DLGAP4: variants seen among roughly 807,000 people sequenced by gnomAD.
The protein encoded by DLGAP4 is disks large-associated protein 4.
Under a neutral mutation model 86.9 loss-of-function variants are expected in DLGAP4, and 18 were observed. The ratio of observed to expected loss-of-function variants is 0.21; its 90% confidence interval spans 0.14 to 0.31. The LOEUF is 0.31. Ranked by LOEUF, DLGAP4 falls within the 10% of genes least tolerant of loss-of-function variation. The probability of loss-of-function intolerance (pLI) is 1.00; values close to 1 mark genes in which losing one functional copy is unlikely to be tolerated. For missense variants in DLGAP4, 1,085 were observed against 1,362.6 expected (o/e 0.80, Z 3.21); for synonymous variants, 548 against 574.3 (o/e 0.95, Z 0.65).
chr20:36,467,077 C>T (rs1405291700), intron 7 of DLGAP4, among the ~76,000 whole-genome samples: 1 of 143,452 alleles, frequency 7.0e-6, no homozygotes, highest in Non-Finnish European at 1.5e-5. Context: ...CCCCCCTTCT[C>T]TCGGCCCTGC....
intron 5 of DLGAP4, among the ~76,000 whole-genome samples, chr20:36,440,835 C>T (rs1020571941): frequency 1.5e-4 from 23 of 151,932 alleles, no homozygotes; most frequent in Admixed American, 1.0e-3. Flanking sequence ...CGGCCAGGTG[C>T]GGGTCCAGCC....
intron 10 of DLGAP4, among the ~76,000 whole-genome samples, chr20:36,512,224 G>C (rs1186139393): frequency 6.6e-6 from 1 of 151,512 alleles, no homozygotes; most frequent in Non-Finnish European, 1.5e-5. Context: ...CTAATTTTTT[G>C]TAATTTTAAT....
chr20:36,519,418 TTTTC>T (rs1308575653), intron 10 of DLGAP4, among the ~76,000 whole-genome samples: 40 of 152,172 alleles, frequency 2.6e-4, no homozygotes, highest in African/African-American at 9.4e-4. Context: ...AGGTTTAGAG[TTTTC>T]TGTCTGTGTG....
At chr20:36,313,693 C>A (rs2147334263) in intron 1 of DLGAP4, among the ~76,000 whole-genome samples, 1 of 146,762 alleles carries the variant, frequency 6.8e-6, no homozygotes, top group African/African-American at 2.5e-5. Flanking sequence ...GCACACCCTG[C>A]AGCTGAGGGA....
chr20:36,353,248 A>G (rs2030218272), intron 1 of DLGAP4, among the ~76,000 whole-genome samples: 1 of 152,206 alleles, frequency 6.6e-6, no homozygotes, highest in Non-Finnish European at 1.5e-5. Flanking sequence ...CAGGGCAGCC[A>G]TGGCTCAGAG....
intron 2 of DLGAP4, among the ~76,000 whole-genome samples, chr20:36,423,112 C>G (rs1211373366): frequency 6.6e-6 from 1 of 152,106 alleles, no homozygotes; most frequent in Non-Finnish European, 1.5e-5. Context: ...AACTGAGGCA[C>G]AGAAGGGGGA....
At chr20:36,479,618 C>G (rs2035095060) in intron 7 of DLGAP4, among the ~76,000 whole-genome samples, 1 of 151,896 alleles carries the variant, frequency 6.6e-6, no homozygotes, top group Admixed American at 6.6e-5. Context: ...GAGGCAGAAT[C>G]AGTGAGGAAG....
chr20:36,455,625 A>C (rs1490247887), intron 7 of DLGAP4, among the ~76,000 whole-genome samples: 1 of 151,944 alleles, frequency 6.6e-6, no homozygotes. Flanking sequence ...CCTGGGCCTC[A>C]AAGTCTCTAT....
chr20:36,470,437 C>A (rs997642865), intron 7 of DLGAP4, among the ~76,000 whole-genome samples: 2 of 152,132 alleles, frequency 1.3e-5, no homozygotes, highest in African/African-American at 4.8e-5. Context: ...CCCTCCCAAC[C>A]CAGGGAGTCT....
At chr20:36,510,433 T>C (rs1318209813) in intron 10 of DLGAP4, among the ~76,000 whole-genome samples, 1 of 151,918 alleles carries the variant, frequency 6.6e-6, no homozygotes, top group Non-Finnish European at 1.5e-5. Context: ...CTGGCTAATT[T>C]TTTGTATTTT....
At chr20:36,322,099 G>T (rs781791485) in intron 1 of DLGAP4, among the ~76,000 whole-genome samples, 1 of 152,212 alleles carries the variant, frequency 6.6e-6, no homozygotes, top group Non-Finnish European at 1.5e-5. Flanking sequence ...CATGGGCCCT[G>T]ACTGGAGTCA....
chr20:36,412,686 A>T (rs184637676), intron 2 of DLGAP4, among the ~76,000 whole-genome samples: 5 of 152,212 alleles, frequency 3.3e-5, no homozygotes, highest in African/African-American at 7.2e-5. Flanking sequence ...GTATGTAGGA[A>T]GCATCTGATC....
At chr20:36,391,927 G>A (rs889198033) in intron 2 of DLGAP4, among the ~76,000 whole-genome samples, 5 of 152,194 alleles carry the variant, frequency 3.3e-5, no homozygotes, top group Non-Finnish European at 4.4e-5. Flanking sequence ...GTTAAATCAC[G>A]GGTCACCCTT....
chr20:36,457,224 C>CT (rs112924134), intron 7 of DLGAP4, among the ~76,000 whole-genome samples: 132 of 144,130 alleles, frequency 9.2e-4, no homozygotes, highest in South Asian at 1.5e-3. Context: ...TGAGTGAAGA[C>CT]TTTTTTTTTT....
At chr20:36,526,139 A>C (rs2037743438) in intron 12 of DLGAP4, 133 bp downstream of exon 12, 1 of 1,319,534 alleles carries the variant, frequency 7.6e-7, no homozygotes, top group African/African-American at 1.4e-5. Context: ...CACATCCATC[A>C]CTGCGTGGGG....
chr20:36,360,313 G>A (rs967249587), intron 1 of DLGAP4, among the ~76,000 whole-genome samples: 21 of 152,112 alleles, frequency 1.4e-4, no homozygotes, highest in African/African-American at 4.1e-4. Context: ...CCCCTGACCC[G>A]GTCCTCCAGG....
intron 1 of DLGAP4, among the ~76,000 whole-genome samples, chr20:36,332,017 G>A (rs1270023736): frequency 6.6e-6 from 1 of 152,074 alleles, no homozygotes; most frequent in African/African-American, 2.4e-5. Context: ...ATAAGGACAG[G>A]GGGTGCGTCT....
At chr20:36,352,148 G>A (rs1555893515) in intron 1 of DLGAP4, among the ~76,000 whole-genome samples, 1 of 151,966 alleles carries the variant, frequency 6.6e-6, no homozygotes, top group African/African-American at 2.4e-5. Context: ...GCCTGGGGTG[G>A]AGCAGCTGCA....
chr20:36,338,750 G>GTGC (rs2065347479), intron 1 of DLGAP4, among the ~76,000 whole-genome samples: 1 of 152,248 alleles, frequency 6.6e-6, no homozygotes, highest in South Asian at 2.1e-4. Flanking sequence ...GAATGCAACC[G>GTGC]TGCCACACAG....
Sources: allele counts gnomAD v4.1 joint callset (sites outside exome capture counted in the v4.1 genomes callset), GRCh38; gene constraint gnomAD v4.1.1; transcripts MANE v1.5; gene names NCBI Gene and HGNC (gene_info 2026-07-23, HGNC 2026-07-21).